LAMA2: variants seen among roughly 807,000 people sequenced by gnomAD.
LAMA2 encodes laminin subunit alpha 2.
LAMA2 carries 269 observed loss-of-function variants against 364.8 expected under a neutral mutation model. The ratio of observed to expected loss-of-function variants is 0.74; its 90% CI spans 0.67 to 0.82. LAMA2 has a LOEUF of 0.82. Ranked by LOEUF, LAMA2 falls within the 40% of genes least tolerant of loss-of-function variation. LAMA2 has a pLI of 0.00. For synonymous variants in LAMA2, 1,379 were observed against 1,370.6 expected, an observed-to-expected ratio of 1.01 and a Z score of -0.14; for missense variants, 3,807 against 3,873.2, an observed-to-expected ratio of 0.98 and a Z score of 0.45.
At chr6:129,314,940 G>T in intron 24 of LAMA2, 142 bp downstream of exon 24, 2 of 806,584 alleles carry the variant, frequency 2.5e-6, no homozygotes, top group Non-Finnish European at 4.2e-6. Context: ...ACAGCAAAGG[G>T]GTCACGTGCC....
chr6:129,400,494 T>A (rs1479514016), intron 37 of LAMA2, among the ~76,000 whole-genome samples: 1 of 152,226 alleles, frequency 6.6e-6, no homozygotes. Context: ...AAATTATAAT[T>A]GATGCAGTTA....
intron 32 of LAMA2, among the ~76,000 whole-genome samples, chr6:129,354,507 A>G (rs1420597418): frequency 6.6e-6 from 1 of 152,136 alleles, no homozygotes; most frequent in Admixed American, 6.5e-5. Context: ...AATGATAATT[A>G]AAGAAGTAGA....
At chr6:128,982,565 C>A (rs1456810003) in intron 1 of LAMA2, among the ~76,000 whole-genome samples, 2 of 151,616 alleles carry the variant, frequency 1.3e-5, no homozygotes, top group African/African-American at 4.9e-5. Flanking sequence ...TTTTTATTTA[C>A]CTTTTTTTAC....
intron 4 of LAMA2, among the ~76,000 whole-genome samples, chr6:129,127,520 CT>C (rs199891520): frequency 0.028 from 4,216 of 152,264 alleles, 186 homozygotes; most frequent in African/African-American, 0.096. Flanking sequence ...GATTTCACAT[CT>C]TTTGGGTAAA....
At chr6:129,492,782 C>T (rs1312567157) in intron 58 of LAMA2, among the ~76,000 whole-genome samples, 1 of 152,106 alleles carries the variant, frequency 6.6e-6, no homozygotes, top group East Asian at 1.9e-4. Context: ...GTTTCCAGGC[C>T]CTTTTATCTG....
chr6:129,137,261 A>T (rs1384999280), intron 4 of LAMA2, among the ~76,000 whole-genome samples: 9 of 152,084 alleles, frequency 5.9e-5, no homozygotes, highest in Admixed American at 3.9e-4. Flanking sequence ...GTAGGAAAAA[A>T]AAAAAAGACC....
intron 18 of LAMA2, among the ~76,000 whole-genome samples, chr6:129,281,113 A>G (rs1562410931): frequency 6.6e-6 from 1 of 152,126 alleles, no homozygotes; most frequent in Non-Finnish European, 1.5e-5. Flanking sequence ...AACAAGTACT[A>G]TTTGTGAGTA....
chr6:129,335,797 C>G (rs1775924581), intron 29 of LAMA2, among the ~76,000 whole-genome samples: 5 of 152,050 alleles, frequency 3.3e-5, no homozygotes, highest in Admixed American at 3.3e-4. Flanking sequence ...ACCTATAAAG[C>G]CTTGAACAAA....
intron 34 of LAMA2, among the ~76,000 whole-genome samples, chr6:129,370,757 C>CTT (rs1365176310): frequency 3.7e-4 from 56 of 152,272 alleles, no homozygotes; most frequent in African/African-American, 1.3e-3. Context: ...CTGCCTCGGG[C>CTT]CATGACAGTG....
chr6:129,345,752 T>G (rs953588749), intron 30 of LAMA2, among the ~76,000 whole-genome samples: 2 of 152,172 alleles, frequency 1.3e-5, no homozygotes, highest in African/African-American at 2.4e-5. Context: ...ATTTTACATT[T>G]TTAGAAAAAA....
At chr6:129,105,802 G>A (rs906258758) in intron 4 of LAMA2, among the ~76,000 whole-genome samples, 1 of 152,178 alleles carries the variant, frequency 6.6e-6, no homozygotes, top group East Asian at 1.9e-4. Flanking sequence ...TATTGAGGAG[G>A]ACGAACTTTC....
At chr6:128,987,886 G>T (rs946571650) in intron 1 of LAMA2, among the ~76,000 whole-genome samples, 1 of 151,998 alleles carries the variant, frequency 6.6e-6, no homozygotes, top group Non-Finnish European at 1.5e-5. Flanking sequence ...TTTTTTGTTT[G>T]TTTCTTTGAG....
At chr6:129,105,770 G>A (rs1478779561) in intron 4 of LAMA2, among the ~76,000 whole-genome samples, 1 of 152,180 alleles carries the variant, frequency 6.6e-6, no homozygotes, top group African/African-American at 2.4e-5. Context: ...AGGGGTATCT[G>A]AGAGAAGAAT....
At chr6:129,355,727 G>C (rs75109979) in intron 32 of LAMA2, among the ~76,000 whole-genome samples, 23,054 of 152,118 alleles carry the variant, frequency 0.15, 2,226 homozygotes, top group Non-Finnish European at 0.22. Flanking sequence ...CTATTGCTTA[G>C]AATAAGTAAA....
intron 9 of LAMA2, among the ~76,000 whole-genome samples, chr6:129,167,267 C>T (rs1392948921): frequency 2.7e-5 from 4 of 150,600 alleles, no homozygotes; most frequent in South Asian, 4.2e-4. Flanking sequence ...CCCACTAACT[C>T]GTCATCTAGC....
At chr6:129,239,929 G>A (rs50667) in intron 12 of LAMA2, among the ~76,000 whole-genome samples, 110,512 of 152,086 alleles carry the variant, frequency 0.73, 41,823 homozygotes, top group Non-Finnish European at 0.84. Context: ...TGATCACAAG[G>A]TGAAGTCCCA....
At chr6:129,036,243 C>T (rs1219015473) in intron 1 of LAMA2, among the ~76,000 whole-genome samples, 5 of 152,056 alleles carry the variant, frequency 3.3e-5, no homozygotes, top group African/African-American at 1.2e-4. Context: ...AGGTATTTCA[C>T]TTTTAATAGT....
chr6:129,267,473 C>T (rs1023620623), intron 16 of LAMA2, among the ~76,000 whole-genome samples: 1 of 152,014 alleles, frequency 6.6e-6, no homozygotes, highest in African/African-American at 2.4e-5. Context: ...TAAGGCATAA[C>T]TTCTGATTGG....
intron 8 of LAMA2, among the ~76,000 whole-genome samples, chr6:129,157,350 C>T (rs1271688406): frequency 6.6e-6 from 1 of 152,140 alleles, no homozygotes; most frequent in Non-Finnish European, 1.5e-5. Context: ...TAGAAGTTCC[C>T]AGCTTGTATC....
Sources: allele counts gnomAD v4.1 joint callset (sites outside exome capture counted in the v4.1 genomes callset), GRCh38; gene constraint gnomAD v4.1.1; transcripts MANE v1.5; gene names NCBI Gene and HGNC (gene_info 2026-07-23, HGNC 2026-07-21).